GABRG3: variants seen among roughly 807,000 people sequenced by gnomAD.
GABRG3 encodes gamma-aminobutyric acid type A receptor subunit gamma3.
Under a neutral mutation model 48.8 loss-of-function variants are expected in GABRG3, and 25 were observed. That is an observed-to-expected ratio of 0.51 (90% confidence interval 0.37 to 0.72). The LOEUF (loss-of-function observed/expected upper bound fraction) is 0.72. Among genes scored for constraint, GABRG3 ranks in the 30% least tolerant of loss-of-function variants. The probability of loss-of-function intolerance (pLI) is 0.00; values close to 1 mark genes in which losing one functional copy is unlikely to be tolerated. For missense variants in GABRG3, 394 were observed against 577.9 expected (o/e 0.68, Z 3.26); for synonymous variants, 227 against 217.6 (o/e 1.04, Z -0.38).
At chr15:27,195,126 TCAGGAA>T (rs1888454545) in intron 3 of GABRG3, among the ~76,000 whole-genome samples, 1 of 151,090 alleles carries the variant, frequency 6.6e-6, no homozygotes, top group African/African-American at 2.4e-5. Context: ...GGAATTTCTT[TCAGGAA>T]TTTCTTTCAA....
intron 3 of GABRG3, among the ~76,000 whole-genome samples, chr15:27,298,540 A>G (rs1323959497): frequency 6.6e-6 from 1 of 152,162 alleles, no homozygotes; most frequent in Admixed American, 6.6e-5. Flanking sequence ...TACATAAGAT[A>G]AGGTGAGCAT....
At chr15:27,021,612 G>A (rs1002275923) in intron 2 of GABRG3, among the ~76,000 whole-genome samples, 8 of 152,182 alleles carry the variant, frequency 5.3e-5, no homozygotes, top group East Asian at 1.9e-4. Flanking sequence ...AGGCCCAAGC[G>A]GGAAGGCTGT....
intron 5 of GABRG3, among the ~76,000 whole-genome samples, chr15:27,377,006 T>C (rs1330491998): frequency 1.3e-5 from 2 of 152,198 alleles, no homozygotes; most frequent in African/African-American, 4.8e-5. Flanking sequence ...ACCTCTTGAA[T>C]GCTTTGCTGC....
At chr15:27,482,622 A>G (rs919376482) in intron 6 of GABRG3, among the ~76,000 whole-genome samples, 31 of 145,732 alleles carry the variant, frequency 2.1e-4, no homozygotes, top group Admixed American at 6.9e-5. Flanking sequence ...GCAGTAACAC[A>G]CTTACTTACA....
chr15:27,241,465 C>A (rs918958513), intron 3 of GABRG3, among the ~76,000 whole-genome samples: 1 of 152,164 alleles, frequency 6.6e-6, no homozygotes, highest in African/African-American at 2.4e-5. Context: ...AAGAGTGTGA[C>A]TCCTTTCTAG....
intron 5 of GABRG3, among the ~76,000 whole-genome samples, chr15:27,415,976 A>AC (rs151336736): frequency 0.014 from 2,054 of 151,990 alleles, 23 homozygotes; most frequent in Non-Finnish European, 0.022. Context: ...GGATTACCAT[A>AC]CCCCCCCTCT....
intron 3 of GABRG3, among the ~76,000 whole-genome samples, chr15:27,191,566 A>G (rs1289745907): frequency 2.0e-5 from 3 of 151,416 alleles, no homozygotes; most frequent in Non-Finnish European, 4.4e-5. Context: ...TTTGTTTTCC[A>G]TTTGCTTGGT....
chr15:27,300,381 AGGC>A (rs1241723736), intron 3 of GABRG3, among the ~76,000 whole-genome samples: 1 of 152,106 alleles, frequency 6.6e-6, no homozygotes, highest in African/African-American at 2.4e-5. Flanking sequence ...AAAAACATGC[AGGC>A]CAGGCACGGT....
intron 3 of GABRG3, among the ~76,000 whole-genome samples, chr15:27,074,301 C>T (rs372580769): frequency 1.3e-5 from 2 of 151,918 alleles, no homozygotes; most frequent in East Asian, 3.9e-4. Flanking sequence ...GAGACTACCA[C>T]GTGGCCTTTT....
At chr15:27,417,195 C>T (rs962618194) in intron 5 of GABRG3, among the ~76,000 whole-genome samples, 2 of 151,698 alleles carry the variant, frequency 1.3e-5, no homozygotes, top group African/African-American at 2.4e-5. Flanking sequence ...GATTTCTGGC[C>T]CAGGAGCTGT....
At chr15:27,147,447 CT>C (rs1898229659) in intron 3 of GABRG3, among the ~76,000 whole-genome samples, 1 of 151,978 alleles carries the variant, frequency 6.6e-6, no homozygotes, top group African/African-American at 2.4e-5. Flanking sequence ...TTGAACAACA[CT>C]CTAAGACAAC....
intron 5 of GABRG3, among the ~76,000 whole-genome samples, chr15:27,335,627 T>G: frequency 6.6e-6 from 1 of 151,448 alleles, no homozygotes. Context: ...GTATCTAGAG[T>G]AGGCAGATTC....
At chr15:27,321,809 A>G (rs958104019) in intron 3 of GABRG3, among the ~76,000 whole-genome samples, 2 of 152,398 alleles carry the variant, frequency 1.3e-5, no homozygotes, top group Non-Finnish European at 2.9e-5. Flanking sequence ...GTGTGAGGAA[A>G]TAGTTTCCAA....
chr15:27,125,157 T>C (rs1368875867), intron 3 of GABRG3, among the ~76,000 whole-genome samples: 1 of 152,216 alleles, frequency 6.6e-6, no homozygotes, highest in Non-Finnish European at 1.5e-5. Context: ...AAAAGAAATA[T>C]TTCAAATGAA....
chr15:27,027,183 C>T (rs993344249), intron 3 of GABRG3: 7 of 180,062 alleles, frequency 3.9e-5, no homozygotes, highest in East Asian at 3.1e-4. Context: ...GTGCTTTCCC[C>T]GAGTAGGGTA....
chr15:27,212,460 A>G (rs1889107678), intron 3 of GABRG3, among the ~76,000 whole-genome samples: 1 of 152,214 alleles, frequency 6.6e-6, no homozygotes, highest in African/African-American at 2.4e-5. Context: ...AGCCCTAGTT[A>G]TGGGGTAAGT....
chr15:27,291,276 G>A (rs1278608599), intron 3 of GABRG3, among the ~76,000 whole-genome samples: 1 of 152,188 alleles, frequency 6.6e-6, no homozygotes, highest in African/African-American at 2.4e-5. Flanking sequence ...AATGGTTAAT[G>A]GCTTTGGATT....
chr15:27,122,616 T>A (rs1010050337), intron 3 of GABRG3, among the ~76,000 whole-genome samples: 2 of 152,184 alleles, frequency 1.3e-5, no homozygotes, highest in Non-Finnish European at 2.9e-5. Flanking sequence ...GGGAAACTCC[T>A]CTCCTACAGA....
chr15:27,267,111 T>C (rs978650761), intron 3 of GABRG3, among the ~76,000 whole-genome samples: 1 of 149,742 alleles, frequency 6.7e-6, no homozygotes, highest in Admixed American at 6.6e-5. Context: ...ACTTTTTTTT[T>C]TTTTTTTTTT....
Sources: gnomAD v4.1 joint callset for allele counts (sites outside exome capture counted in the v4.1 genomes callset) on GRCh38, gnomAD v4.1.1 for gene constraint, MANE v1.5 for transcripts, NCBI Gene and HGNC (gene_info 2026-07-23, HGNC 2026-07-21) for gene names.